Variants in ERCC8 observed in about 807,000 individuals in gnomAD.
ERCC8 encodes ERCC excision repair 8, CSA ubiquitin ligase complex subunit, also known as DNA excision repair protein ERCC-8.
ERCC8 carries 52 observed loss-of-function variants against 54.9 expected under a neutral mutation model. The observed-to-expected ratio is 0.95, with a 90% confidence interval of 0.76 to 1.19. The LOEUF (loss-of-function observed/expected upper bound fraction) is 1.19, where lower values mean the gene tolerates loss of function less well. Ranked by LOEUF, ERCC8 falls within the 50% of genes most tolerant of loss-of-function variation. ERCC8 has a pLI of 0.00. For missense variants in ERCC8, 514 were observed against 466.1 expected, an observed-to-expected ratio of 1.10 and a Z score of -0.95; for synonymous variants, 146 against 157.2, an observed-to-expected ratio of 0.93 and a Z score of 0.53.
intron 1 of ERCC8, among the ~76,000 whole-genome samples, chr5:60,942,006 T>C (rs1275544983): frequency 6.6e-6 from 1 of 152,158 alleles, no homozygotes; most frequent in Non-Finnish European, 1.5e-5. Context: ...GGTTTCTATA[T>C]GCCAAATGAA....
chr5:60,880,006 G>T (rs991475297), intron 11 of ERCC8, among the ~76,000 whole-genome samples: 2 of 152,140 alleles, frequency 1.3e-5, no homozygotes, highest in Non-Finnish European at 2.9e-5. Context: ...GCTGGTACCG[G>T]TTGTTCCTTT....
chr5:60,923,816 A>G lies in ERCC8; in HGVS notation c.174-1661T>C, dbSNP rs562875013. ...ATATACATTTATCCCAATCAAAAATAGGGGAACCATCAAAAATTCTTCACA... is the reference window on the plus strand; with the variant it reads ...ATATACATTTATCCCAATCAAAAATGGGGGAACCATCAAAAATTCTTCACA... On this transcript the variant is annotated intron_variant, in intron 2 of 11. Coordinates refer to ENST00000676185, the MANE Select transcript of ERCC8 (RefSeq NM_000082.4). Among the ~76,000 whole-genome samples, 31 of 152,236 alleles carry G rather than the reference A, an allele frequency of 2.0e-4. No homozygotes were observed. In the East Asian group the frequency reaches 5.4e-3, roughly 27 times the overall value.
chr5:60,932,489 C>T (rs1478506105), intron 1 of ERCC8, among the ~76,000 whole-genome samples: 2 of 152,182 alleles, frequency 1.3e-5, no homozygotes, highest in Non-Finnish European at 2.9e-5. Flanking sequence ...TAAAAACCTT[C>T]AACATTGAGT....
At chr5:60,941,202 T>C (rs1387783319) in intron 1 of ERCC8, among the ~76,000 whole-genome samples, 2 of 152,120 alleles carry the variant, frequency 1.3e-5, no homozygotes, top group Non-Finnish European at 2.9e-5. Context: ...TTGAAACAGA[T>C]GTTAAAACAG....
At chr5:60,903,838 G>T in intron 5 of ERCC8, 122 bp from the exon 6 acceptor site, 1 of 912,512 alleles carries the variant, frequency 1.1e-6, no homozygotes, top group Non-Finnish European at 1.7e-6. Flanking sequence ...GAAGATATAT[G>T]CCAAAATTAC....
At chr5:60,918,088 AC>A (rs769632784) in intron 4 of ERCC8, 176 bp downstream of exon 4, 10 of 598,948 alleles carry the variant, frequency 1.7e-5, no homozygotes, top group Non-Finnish European at 2.5e-5. Context: ...CCAATGTCAT[AC>A]AGCTGTCAGC....
At chr5:60,891,444 C>A (rs924316510) in intron 9 of ERCC8, among the ~76,000 whole-genome samples, 1 of 152,008 alleles carries the variant, frequency 6.6e-6, no homozygotes, top group African/African-American at 2.4e-5. Context: ...TTTGGCTATT[C>A]TTTCTAAAAG....
chr5:60,899,637 A>C lies in ERCC8; in HGVS notation c.708T>G (p.Ala236=). 1 of 1,608,354 alleles carries C rather than the reference A, an allele frequency of 6.2e-7. No homozygotes were observed. The highest frequency in any genetic ancestry group is 8.5e-7 in the Non-Finnish European group (1 of 1,175,320). ...LDQHNGKKSQ[A]VESANTAHNG... is the part of the protein sequence containing the mutation. ...TGCGTTCTTCCTTACCTGATTCAAC[A>C]GCTTGTGACTTTTTCCCATTATGTT... The change falls in exon 8 of 12, where the codon GCT becomes GCG. Residue 236 remains alanine (A), a synonymous_variant. Coordinates refer to ENST00000676185, the MANE Select transcript of ERCC8 (RefSeq NM_000082.4).
At chr5:60,877,056 A>G (rs1748033719) in intron 11 of ERCC8, among the ~76,000 whole-genome samples, 2 of 152,162 alleles carry the variant, frequency 1.3e-5, no homozygotes, top group Admixed American at 6.5e-5. Context: ...TGATTTTTGT[A>G]TAAGGTGTAA....
chr5:60,870,795 G>A lies in ERCC8; in HGVS notation c.*3820C>T, dbSNP rs888896131. Among the ~76,000 whole-genome samples, 4 of 152,118 alleles carry A rather than the reference G, an allele frequency of 2.6e-5. No individual in the cohort carries two copies. The highest frequency in any genetic ancestry group is 4.4e-5 in the Non-Finnish European group (3 of 68,030). ...TATTAGAAGAAAATATACCTGAGCTGAGAAAAGGTTTGGACCTTCATTGAA... is the reference window on the plus strand; with the variant it reads ...TATTAGAAGAAAATATACCTGAGCTAAGAAAAGGTTTGGACCTTCATTGAA... On this transcript the variant is annotated 3_prime_UTR_variant, in exon 12 of 12. Transcript: ENST00000676185.
chr5:60,874,442 C>A lies in ERCC8; in HGVS notation c.*173G>T. The A allele has an allele frequency of 3.2e-6, 2 of 634,068 alleles. No homozygotes were observed. Among genetic ancestry groups the A allele is most frequent in the Non-Finnish European group, 2.8e-6 (1 of 361,154 alleles). 39.3% of individuals were successfully genotyped at this position (634,068 alleles called of 1,614,324 possible). ...ACACATTTTGACTAAATAAACTATACAGAAGTCTGTTTTAGGATTTTATGC... is the reference window on the plus strand; with the variant it reads ...ACACATTTTGACTAAATAAACTATAAAGAAGTCTGTTTTAGGATTTTATGC... On this transcript the variant is annotated 3_prime_UTR_variant, in exon 12 of 12. Transcript: ENST00000676185.
rs933367543 is a variant in ERCC8 at position 60,878,767 on chromosome 5, T to G, written c.1123-4084A>C. On this transcript the variant is annotated intron_variant, in intron 11 of 11. Coordinates refer to ENST00000676185, the MANE Select transcript of ERCC8 (RefSeq NM_000082.4). The stretch of plus-strand genomic sequence containing the variant: ...ATTTGATTCTGCTCTCTTTTCTTCT[T>G]TATTACTCTTGCTAGTGGTCTATCA... Among the ~76,000 whole-genome samples the G allele has an allele frequency of 4.1e-4, 63 of 152,172 alleles. 1 individual carries two copies. Among genetic ancestry groups the G allele is most frequent in the Non-Finnish European group, 7.1e-4 (48 of 68,038 alleles).
chr5:60,893,675 C>T (rs982128037), intron 9 of ERCC8: 11 of 495,008 alleles, frequency 2.2e-5, no homozygotes, highest in Admixed American at 3.4e-5. Context: ...CGCTCTTGTG[C>T]TGCTAGGCTC....
Position 60,898,346 on chromosome 5 carries a change from A to G in ERCC8, c.773T>C (p.Leu258Pro). The G allele has an allele frequency of 1.2e-6, 2 of 1,613,626 alleles. No individual in the cohort carries two copies. The highest frequency in any genetic ancestry group is 1.7e-6 in the Non-Finnish European group (2 of 1,179,650). ...VNGLCFTSDG[L>P]HLLTVGTDNR... ...ATCTGTACCAACAGTGAGGAGGTGA[A>G]GTCCATCACTTGTAAAACATAAGCC... is the stretch of plus-strand genomic sequence containing the variant. Residue 258 changes from leucine (L) to proline (P), a missense_variant, in exon 9 of 12, where the codon CTT becomes CCT. Leu to Pro is a moderately conservative substitution (Grantham distance 98). Coordinates refer to ENST00000676185, the MANE Select transcript of ERCC8 (RefSeq NM_000082.4).
At chr5:60,876,013 T>C (rs1402774840) in intron 11 of ERCC8, among the ~76,000 whole-genome samples, 4 of 152,174 alleles carry the variant, frequency 2.6e-5, no homozygotes, top group Admixed American at 1.3e-4. Context: ...TATCTCCTAA[T>C]GCTATCCCTC....
At chr5:60,927,787 A>G (rs2112530722) in intron 2 of ERCC8, among the ~76,000 whole-genome samples, 2 of 152,308 alleles carry the variant, frequency 1.3e-5, no homozygotes, top group South Asian at 4.1e-4. Flanking sequence ...AGCCTGGAAA[A>G]GGTCAGGAAA....
chr5:60,899,658 A>G lies in ERCC8; in HGVS notation c.687T>C (p.His229=). The G allele has an allele frequency of 2.5e-6, 4 of 1,612,038 alleles. No individual in the cohort carries two copies. The highest frequency in any genetic ancestry group is 3.4e-6 in the Non-Finnish European group (4 of 1,178,630). The change falls in exon 8 of 12, where the codon CAT becomes CAC. Residue 229 remains histidine, a synonymous_variant. Coordinates refer to ENST00000676185, the MANE Select transcript of ERCC8 (RefSeq NM_000082.4). ...CAACAGCTTGTGACTTTTTCCCATT[A>G]TGTTGATCAAGAGTAATCAAACATC... The part of the protein sequence containing the change: ...ASGCLITLDQ[H]NGKKSQAVES...
chr5:60,888,309 A>G (rs1039870561), intron 10 of ERCC8, among the ~76,000 whole-genome samples: 2 of 152,232 alleles, frequency 1.3e-5, no homozygotes, highest in African/African-American at 2.4e-5. Context: ...TTAGATATAC[A>G]TTATCAAATT....
At chr5:60,885,345 T>C (rs1748364701) in intron 11 of ERCC8, among the ~76,000 whole-genome samples, 2 of 152,130 alleles carry the variant, frequency 1.3e-5, no homozygotes, top group African/African-American at 4.8e-5. Context: ...AACAATTTAG[T>C]ATTCTTCTAA....
Sources: gnomAD v4.1 joint callset for allele counts (sites outside exome capture counted in the v4.1 genomes callset) on GRCh38, gnomAD v4.1.1 for gene constraint, MANE v1.5 for transcripts, NCBI Gene and HGNC (gene_info 2026-07-23, HGNC 2026-07-21) for gene names.